Variants in ADAMTS12 observed in about 807,000 individuals in gnomAD.
ADAMTS12 encodes A disintegrin and metalloproteinase with thrombospondin motifs 12.
Under a neutral mutation model 167.8 loss-of-function variants are expected in ADAMTS12, and 118 were observed. The ratio of observed to expected loss-of-function variants is 0.70; its 90% CI spans 0.61 to 0.82. The LOEUF (loss-of-function observed/expected upper bound fraction) is 0.82, where lower values mean the gene tolerates loss of function less well. ADAMTS12 is among the 40% of genes least tolerant of loss of function. The pLI is 0.00. For missense variants in ADAMTS12, 1,916 were observed against 1,998.8 expected (o/e 0.96, Z 0.79); for synonymous variants, 704 against 716.9 (o/e 0.98, Z 0.29).
At chr5:33,736,024 A>C (rs1744361578) in intron 3 of ADAMTS12, among the ~76,000 whole-genome samples, 1 of 150,950 alleles carries the variant, frequency 6.6e-6, no homozygotes, top group Admixed American at 6.6e-5. Context: ...GATGATAATA[A>C]AGGCATCCGA....
At chr5:33,795,576 A>G (rs1746741842) in intron 2 of ADAMTS12, among the ~76,000 whole-genome samples, 1 of 152,236 alleles carries the variant, frequency 6.6e-6, no homozygotes, top group South Asian at 2.1e-4. Context: ...AGAAGCACAA[A>G]GGGACTCCAG....
chr5:33,776,528 GA>G (rs1327257762), intron 2 of ADAMTS12, among the ~76,000 whole-genome samples: 1 of 151,998 alleles, frequency 6.6e-6, no homozygotes, highest in Non-Finnish European at 1.5e-5. Flanking sequence ...CAAGACAAAT[GA>G]AAATAGAAAC....
At chr5:33,815,593 C>T (rs143680225) in intron 2 of ADAMTS12, among the ~76,000 whole-genome samples, 1 of 152,264 alleles carries the variant, frequency 6.6e-6, no homozygotes, top group East Asian at 1.9e-4. Context: ...ATAGAAGCCT[C>T]AGCTAAAAAA....
intron 2 of ADAMTS12, among the ~76,000 whole-genome samples, chr5:33,776,898 T>C (rs1334813881): frequency 6.6e-6 from 1 of 152,094 alleles, no homozygotes; most frequent in East Asian, 1.9e-4. Flanking sequence ...CTATAAACAA[T>C]TACACTCCAA....
intron 2 of ADAMTS12, among the ~76,000 whole-genome samples, chr5:33,787,177 G>GAA (rs886127473): frequency 2.0e-5 from 3 of 146,712 alleles, no homozygotes. Flanking sequence ...TAGGAAATAT[G>GAA]AAAAAAAAAA....
intron 16 of ADAMTS12, among the ~76,000 whole-genome samples, chr5:33,602,218 A>G (rs1211829290): frequency 6.6e-6 from 1 of 152,216 alleles, no homozygotes; most frequent in Non-Finnish European, 1.5e-5. Context: ...CGCTGGCCGC[A>G]CAGGGTAAAA....
chr5:33,876,221 T>C (rs1158819765), intron 2 of ADAMTS12, among the ~76,000 whole-genome samples: 3 of 152,160 alleles, frequency 2.0e-5, no homozygotes, highest in Non-Finnish European at 4.4e-5. Context: ...TGTCAATTCT[T>C]CCCAAACTAA....
At position 33,527,290 on chromosome 5, in the gene ADAMTS12, G is replaced by A. The variant is rs746523725; in HGVS notation, c.4683C>T (p.Pro1561=). 6.2e-6 allele frequency: 10 copies of A among 1,614,038 alleles called. No individual in the cohort carries two copies. The Admixed American group carries it at 1.5e-4, about 24-fold the overall frequency. ...TLKAMKKCSV[P]TVRAECCFSC... ...AGAAGCAGCACTCAGCCCTCACGGTGGGCACAGAACATTTCTTCATGGCTT... is the reference window on the plus strand; with the variant it reads ...AGAAGCAGCACTCAGCCCTCACGGTAGGCACAGAACATTTCTTCATGGCTT... Residue 1561 remains proline (P), a synonymous_variant, in exon 24 of 24, where the codon CCC becomes CCT. Transcript: ENST00000504830.
chr5:33,682,570 G>A (rs901815345), intron 5 of ADAMTS12, among the ~76,000 whole-genome samples: 1 of 151,944 alleles, frequency 6.6e-6, no homozygotes, highest in African/African-American at 2.4e-5. Flanking sequence ...GAGAATAGAT[G>A]AAATCCCCAA....
At chr5:33,829,174 GAACCCAT>G (rs1748205437) in intron 2 of ADAMTS12, among the ~76,000 whole-genome samples, 1 of 152,118 alleles carries the variant, frequency 6.6e-6, no homozygotes, top group Admixed American at 6.5e-5. Flanking sequence ...AATGGGAAAA[GAACCCAT>G]TCAGAGACTC....
chr5:33,533,464 A>C (rs1331503837), intron 23 of ADAMTS12, among the ~76,000 whole-genome samples: 1 of 152,220 alleles, frequency 6.6e-6, no homozygotes, highest in African/African-American at 2.4e-5. Flanking sequence ...GATTCTAATT[A>C]GGTAGGTCTA....
At chr5:33,668,400 T>C (rs531598072) in intron 5 of ADAMTS12, among the ~76,000 whole-genome samples, 3 of 152,326 alleles carry the variant, frequency 2.0e-5, no homozygotes, top group South Asian at 2.1e-4. Flanking sequence ...ACACCTGTAA[T>C]TGTGTTCTGA....
chr5:33,753,397 A>G (rs1369601418), intron 2 of ADAMTS12, among the ~76,000 whole-genome samples: 2 of 152,220 alleles, frequency 1.3e-5, no homozygotes, highest in African/African-American at 4.8e-5. Context: ...AGTGGGAAAC[A>G]GACTCTGTGC....
chr5:33,817,665 T>A (rs940307306), intron 2 of ADAMTS12, among the ~76,000 whole-genome samples: 1 of 152,064 alleles, frequency 6.6e-6, no homozygotes, highest in Admixed American at 6.6e-5. Context: ...GATAATGTCA[T>A]CAGAAAATAT....
chr5:33,665,129 T>C (rs1245119576), intron 5 of ADAMTS12, among the ~76,000 whole-genome samples: 2 of 152,122 alleles, frequency 1.3e-5, no homozygotes, highest in African/African-American at 4.8e-5. Context: ...TGGATGAACT[T>C]TGAAGACATA....
intron 13 of ADAMTS12, 50 bp from the exon 14 acceptor site, chr5:33,624,401 C>T (rs752324689): frequency 6.2e-7 from 1 of 1,610,668 alleles, no homozygotes; most frequent in South Asian, 1.1e-5. Context: ...GGATGCCACT[C>T]TTGCCTGGAT....
At chr5:33,688,597 C>A (rs1198012751) in intron 3 of ADAMTS12, among the ~76,000 whole-genome samples, 1 of 152,200 alleles carries the variant, frequency 6.6e-6, no homozygotes, top group African/African-American at 2.4e-5. Flanking sequence ...TCCACGGCAG[C>A]CAGGCATGGA....
chr5:33,659,647 C>T (rs1056869390), intron 6 of ADAMTS12, among the ~76,000 whole-genome samples: 7 of 152,308 alleles, frequency 4.6e-5, no homozygotes, highest in Admixed American at 3.3e-4. Flanking sequence ...AGGCCAGCAG[C>T]TTAAGCTCTA....
In ADAMTS12 at chr5:33,637,715, C is replaced by G. The variant is rs1199313057; in HGVS notation, c.1750G>C (p.Glu584Gln). The G allele has an allele frequency of 6.2e-7, 1 of 1,613,454 alleles. No homozygotes were observed. Among genetic ancestry groups the G allele is most frequent in the East Asian group, 2.2e-5 (1 of 44,848 alleles). ...PKFGGKYCTG[E>Q]RKRYRLCNVH... ...TTGCACAAGCGATAGCGTTTTCTTT[C>G]TCCAGTGCAATATTTCCCTCCAAAC... is the stretch of plus-strand genomic sequence containing the variant. The change falls in exon 12 of 24, where the codon GAA (glutamate) becomes CAA (glutamine). Residue 584 changes from glutamate to glutamine, a missense_variant. Transcript: ENST00000504830.
Sources: gnomAD v4.1 joint callset for allele counts (sites outside exome capture counted in the v4.1 genomes callset) on GRCh38, gnomAD v4.1.1 for gene constraint, MANE v1.5 for transcripts, NCBI Gene and HGNC (gene_info 2026-07-23, HGNC 2026-07-21) for gene names.